The following BMP2K variants were observed in gnomAD, a reference collection of about 807,000 sequenced individuals.
The protein encoded by BMP2K is BMP2 inducible kinase, also known as BMP-2-inducible protein kinase.
BMP2K carries 74 observed loss-of-function variants against 116.0 expected under a neutral mutation model. The observed-to-expected ratio is 0.64, with a 90% CI of 0.53 to 0.77. BMP2K has a LOEUF of 0.77. Ranked by LOEUF, BMP2K falls within the 30% of genes least tolerant of loss-of-function variation. BMP2K has a pLI of 0.00. For synonymous variants in BMP2K, 486 were observed against 502.5 expected, an observed-to-expected ratio of 0.97 and a Z score of 0.44; for missense variants, 1,365 against 1,403.6, an observed-to-expected ratio of 0.97 and a Z score of 0.44.
chr4:78,874,048 C>T (rs534588834), intron 13 of BMP2K, among the ~76,000 whole-genome samples: 4 of 151,966 alleles, frequency 2.6e-5, no homozygotes, highest in Non-Finnish European at 4.4e-5. Flanking sequence ...TGTGGTGGTG[C>T]GCGCCTGTAA....
chr4:78,815,810 A>G (rs747979400), intron 1 of BMP2K, among the ~76,000 whole-genome samples: 12 of 152,192 alleles, frequency 7.9e-5, no homozygotes, highest in Admixed American at 3.3e-4. Flanking sequence ...AGAATAATAT[A>G]TGGACTTTTA....
At chr4:78,805,812 A>G (rs941044501) in intron 1 of BMP2K, among the ~76,000 whole-genome samples, 2 of 152,082 alleles carry the variant, frequency 1.3e-5, no homozygotes, top group South Asian at 2.1e-4. Flanking sequence ...TCTACTAAAA[A>G]TACAAAAAAT....
At chr4:78,821,663 A>C (rs1729623693) in intron 1 of BMP2K, among the ~76,000 whole-genome samples, 3 of 152,210 alleles carry the variant, frequency 2.0e-5, no homozygotes, top group African/African-American at 7.2e-5. Flanking sequence ...GGTCTGACTG[A>C]CTTTAAGTCA....
chr4:78,886,567 C>A (rs1022083712), intron 14 of BMP2K, among the ~76,000 whole-genome samples: 1 of 152,126 alleles, frequency 6.6e-6, no homozygotes, highest in African/African-American at 2.4e-5. Flanking sequence ...CACATTGGCA[C>A]ATAGTAGATA....
chr4:78,826,191 C>T, intron 2 of BMP2K, 36 bp downstream of exon 2: 2 of 1,535,062 alleles, frequency 1.3e-6, no homozygotes, highest in Non-Finnish European at 1.8e-6. Context: ...AGAAATTTTG[C>T]AAGTTTTTAT....
At chr4:78,852,023 A>G (rs1265390408) in intron 7 of BMP2K, among the ~76,000 whole-genome samples, 2 of 152,088 alleles carry the variant, frequency 1.3e-5, no homozygotes, top group Non-Finnish European at 2.9e-5. Context: ...AGAAAAGGGT[A>G]AAAATTCCAA....
At chr4:78,790,520 A>G (rs1396426153) in intron 1 of BMP2K, among the ~76,000 whole-genome samples, 3 of 152,228 alleles carry the variant, frequency 2.0e-5, no homozygotes, top group African/African-American at 7.2e-5. Context: ...AGAAGAACAT[A>G]AAATGAAACT....
In BMP2K at chr4:78,881,356, C is replaced by G. The variant is rs578224252; in HGVS notation, c.1951+2465C>G. On this transcript the variant is annotated intron_variant, in intron 14 of 15. Transcript: ENST00000502613. Reference sequence around the variant, plus strand: ...GAAGGGGCTTTGTGGGCAAACACATCAAAAGCAGAAGTGACAAATGATAGC... The same window carrying G: ...GAAGGGGCTTTGTGGGCAAACACATGAAAAGCAGAAGTGACAAATGATAGC... Among the ~76,000 whole-genome samples the G allele has an allele frequency of 2.6e-5, 4 of 152,094 alleles. No homozygotes were observed. In the South Asian group the frequency reaches 8.3e-4, roughly 32 times the overall value.
intron 14 of BMP2K, chr4:78,880,062 T>C (rs962809966): frequency 7.2e-5 from 11 of 152,108 alleles, no homozygotes; most frequent in African/African-American, 2.2e-4. Flanking sequence ...AAAAGCAAGA[T>C]TTTTTGTTTG....
At chr4:78,858,263 T>TA (rs1256401226) in intron 7 of BMP2K, among the ~76,000 whole-genome samples, 1 of 152,016 alleles carries the variant, frequency 6.6e-6, no homozygotes, top group Admixed American at 6.6e-5. Flanking sequence ...GTTGTTACGT[T>TA]AAAAACATTT....
At chr4:78,907,344 T>C (rs1224996025) in intron 15 of BMP2K, among the ~76,000 whole-genome samples, 2 of 152,152 alleles carry the variant, frequency 1.3e-5, no homozygotes, top group African/African-American at 2.4e-5. Context: ...TGGTAGCCAG[T>C]TGAATAATGA....
intron 6 of BMP2K, among the ~76,000 whole-genome samples, chr4:78,850,509 A>G (rs1441652217): frequency 6.6e-6 from 1 of 151,950 alleles, no homozygotes; most frequent in Non-Finnish European, 1.5e-5. Context: ...TGTGCTGGCT[A>G]ATTCATATTT....
At chr4:78,792,574 G>A (rs773314179) in intron 1 of BMP2K, among the ~76,000 whole-genome samples, 4 of 152,110 alleles carry the variant, frequency 2.6e-5, no homozygotes, top group Admixed American at 6.5e-5. Context: ...CAGAATTTTA[G>A]AAAACTTGTC....
intron 15 of BMP2K, among the ~76,000 whole-genome samples, chr4:78,887,530 TTATTATTGGATACTGTTGAAAA>T (rs1365938151): frequency 2.6e-5 from 4 of 152,228 alleles, no homozygotes; most frequent in African/African-American, 9.6e-5. Flanking sequence ...CTTTTCATCT[TTATTATTGGATACTGTTGAAAA>T]AAATATTTAA....
At chr4:78,828,693 A>G (rs750033733) in intron 2 of BMP2K, among the ~76,000 whole-genome samples, 2 of 152,264 alleles carry the variant, frequency 1.3e-5, no homozygotes, top group African/African-American at 4.8e-5. Context: ...ATATAGTATC[A>G]TAACATCACA....
intron 14 of BMP2K, chr4:78,879,316 A>C: frequency 1.0e-6 from 1 of 993,608 alleles, no homozygotes; most frequent in Non-Finnish European, 1.2e-6. Context: ...CCTGAAAGAA[A>C]ACATGGGCTA....
At chr4:78,802,230 T>C (rs770067909) in intron 1 of BMP2K, among the ~76,000 whole-genome samples, 3 of 152,228 alleles carry the variant, frequency 2.0e-5, no homozygotes, top group Non-Finnish European at 4.4e-5. Flanking sequence ...GTCTAGACTT[T>C]ATGTGGTGAT....
Position 78,865,734 on chromosome 4 carries a change from G to A in BMP2K, c.1231+14G>A, listed in dbSNP as rs138278541. 4.4e-5 allele frequency: 71 copies of A among 1,612,492 alleles called. No homozygotes were observed. In the East Asian group the frequency reaches 1.4e-3, roughly 32 times the overall value. On this transcript the variant is annotated intron_variant, in intron 10 of 15. Coordinates refer to ENST00000502613, the MANE Select transcript of BMP2K (RefSeq NM_198892.2). ...ATAGACCAAAAGGTAATAGAGCCCC[G>A]CCAACCTCATCCTCTTAAAGGTTAA...
intron 6 of BMP2K, 33 bp from the exon 7 acceptor site, chr4:78,850,891 C>T (rs1731217981): frequency 1.2e-6 from 2 of 1,601,570 alleles, no homozygotes; most frequent in Admixed American, 1.7e-5. Flanking sequence ...TTAACTTGAG[C>T]TCTAATGATA....
Sources: allele counts gnomAD v4.1 joint callset (sites outside exome capture counted in the v4.1 genomes callset), GRCh38; gene constraint gnomAD v4.1.1; transcripts MANE v1.5; gene names NCBI Gene and HGNC (gene_info 2026-07-23, HGNC 2026-07-21).